The following AGBL4 variants were observed in gnomAD, a reference collection of about 807,000 sequenced individuals.
AGBL4 encodes AGBL carboxypeptidase 4, also known as cytosolic carboxypeptidase 6.
A neutral mutation model predicts 66.4 loss-of-function variants in AGBL4; 58 were observed. The ratio of observed to expected loss-of-function variants is 0.87; its 90% CI spans 0.71 to 1.09. AGBL4 has a LOEUF of 1.09. Among genes scored for constraint, AGBL4 ranks in the 50% least tolerant of loss-of-function variants. The pLI, the probability that AGBL4 is intolerant of heterozygous loss-of-function variation, is 0.00. For synonymous variants in AGBL4, 234 were observed against 222.9 expected (o/e 1.05, Z -0.44); for missense variants, 579 against 631.0 (o/e 0.92, Z 0.88).
chr1:49,106,654 T>A (rs1033431749), intron 4 of AGBL4, among the ~76,000 whole-genome samples: 5 of 152,152 alleles, frequency 3.3e-5, no homozygotes, highest in African/African-American at 4.8e-5. Context: ...GAGACAAGAC[T>A]AGTTTTGTTG....
intron 5 of AGBL4, among the ~76,000 whole-genome samples, chr1:48,907,583 C>T (rs992522836): frequency 1.3e-5 from 2 of 152,160 alleles, no homozygotes; most frequent in African/African-American, 4.8e-5. Context: ...CTAGCCTACG[C>T]AATTCATCAT....
At chr1:49,886,204 T>A (rs955090304) in intron 1 of AGBL4, among the ~76,000 whole-genome samples, 6 of 152,310 alleles carry the variant, frequency 3.9e-5, no homozygotes, top group African/African-American at 7.2e-5. Context: ...CTTCTACTTA[T>A]GTGATAGTCA....
chr1:49,109,487 G>GTACT (rs1645363537), intron 4 of AGBL4, among the ~76,000 whole-genome samples: 1 of 152,030 alleles, frequency 6.6e-6, no homozygotes, highest in Non-Finnish European at 1.5e-5. Context: ...CACCTTCTCC[G>GTACT]TCCTTCCTTC....
chr1:48,914,072 G>T (rs955982753), intron 5 of AGBL4, among the ~76,000 whole-genome samples: 4 of 152,246 alleles, frequency 2.6e-5, no homozygotes, highest in African/African-American at 2.4e-5. Context: ...TTGAGTGTCT[G>T]CTGCAGAGAA....
intron 6 of AGBL4, among the ~76,000 whole-genome samples, chr1:48,695,844 G>A (rs930025385): frequency 2.6e-5 from 4 of 152,140 alleles, no homozygotes; most frequent in South Asian, 2.1e-4. Context: ...AGCCAGGTTT[G>A]GTAAGTACTA....
chr1:48,875,613 C>T (rs1176331923), intron 5 of AGBL4, among the ~76,000 whole-genome samples: 1 of 152,124 alleles, frequency 6.6e-6, no homozygotes, highest in African/African-American at 2.4e-5. Context: ...TCTTTCATCC[C>T]CAGGGCAACT....
intron 4 of AGBL4, among the ~76,000 whole-genome samples, chr1:49,198,949 A>G (rs946986079): frequency 3.9e-5 from 6 of 152,192 alleles, no homozygotes; most frequent in Admixed American, 6.5e-5. Flanking sequence ...TTGTAAAACT[A>G]TAAGAACTCA....
chr1:49,151,112 C>G (rs1177931819), intron 4 of AGBL4, among the ~76,000 whole-genome samples: 2 of 151,514 alleles, frequency 1.3e-5, no homozygotes, highest in Non-Finnish European at 1.5e-5. Flanking sequence ...ACTAAAAATA[C>G]AAAAATATTA....
chr1:49,603,969 CA>C (rs1558093708), intron 3 of AGBL4, among the ~76,000 whole-genome samples: 56 of 147,944 alleles, frequency 3.8e-4, no homozygotes, highest in African/African-American at 1.4e-3. Context: ...CACACACACA[CA>C]CACACACACA....
intron 6 of AGBL4, among the ~76,000 whole-genome samples, chr1:48,711,300 G>A (rs1646963903): frequency 6.6e-6 from 1 of 152,210 alleles, no homozygotes; most frequent in African/African-American, 2.4e-5. Flanking sequence ...AGACTAGCTT[G>A]GGCCTTGAGT....
intron 5 of AGBL4, among the ~76,000 whole-genome samples, chr1:48,922,913 G>A (rs1345040625): frequency 1.3e-5 from 2 of 151,042 alleles, no homozygotes; most frequent in East Asian, 3.9e-4. Context: ...TATAAAATAT[G>A]TTCTCAACTA....
At chr1:49,672,913 C>A (rs1646506989) in intron 3 of AGBL4, among the ~76,000 whole-genome samples, 3 of 124,110 alleles carry the variant, frequency 2.4e-5, no homozygotes, top group East Asian at 2.3e-4. Flanking sequence ...AAGAGCAAAA[C>A]TCCATCTCAA....
At chr1:48,728,071 G>T in intron 6 of AGBL4, 1 of 1,539,018 alleles carries the variant, frequency 6.5e-7, no homozygotes, top group Non-Finnish European at 8.8e-7. Flanking sequence ...ACAAGGCCAA[G>T]GATTAATGGT....
chr1:48,925,011 G>C (rs1654409461), intron 5 of AGBL4, among the ~76,000 whole-genome samples: 2 of 152,114 alleles, frequency 1.3e-5, no homozygotes, highest in Non-Finnish European at 2.9e-5. Flanking sequence ...ACTTGGAGCT[G>C]TGCTAGCTGC....
intron 5 of AGBL4, among the ~76,000 whole-genome samples, chr1:49,005,508 T>G (rs1444128525): frequency 2.0e-5 from 3 of 152,190 alleles, no homozygotes; most frequent in African/African-American, 7.2e-5. Context: ...GTTATCAGAT[T>G]GACTGTCCTG....
intron 1 of AGBL4, among the ~76,000 whole-genome samples, chr1:49,898,982 G>T (rs917848888): frequency 6.6e-6 from 1 of 152,128 alleles, no homozygotes; most frequent in African/African-American, 2.4e-5. Context: ...ACAAAGAGTA[G>T]TGTGGATGTG....
At chr1:49,877,287 C>G (rs565583607) in intron 1 of AGBL4, among the ~76,000 whole-genome samples, 2 of 151,120 alleles carry the variant, frequency 1.3e-5, no homozygotes, top group African/African-American at 4.9e-5. Context: ...ATGATATTGG[C>G]TGTGGGTTTG....
intron 2 of AGBL4, among the ~76,000 whole-genome samples, chr1:49,781,650 T>C (rs1251479938): frequency 6.6e-6 from 1 of 152,126 alleles, no homozygotes; most frequent in Non-Finnish European, 1.5e-5. Flanking sequence ...CTAAAAGGCA[T>C]TTCTAGCATA....
intron 3 of AGBL4, among the ~76,000 whole-genome samples, chr1:49,352,210 ATAGT>A (rs1365736879): frequency 2.0e-5 from 3 of 152,156 alleles, no homozygotes. Flanking sequence ...TAATTGGAAA[ATAGT>A]TATTTATTTA....
Sources: allele counts gnomAD v4.1 joint callset (sites outside exome capture counted in the v4.1 genomes callset), GRCh38; gene constraint gnomAD v4.1.1; transcripts MANE v1.5; gene names NCBI Gene and HGNC (gene_info 2026-07-23, HGNC 2026-07-21).